The following CCSER1 variants were observed in gnomAD, a reference collection of about 807,000 sequenced individuals.
CCSER1 encodes coiled-coil serine rich protein 1.
In CCSER1, 41 loss-of-function variants were observed where a neutral mutation model predicts 82.0. That is an observed-to-expected ratio of 0.50 (90% CI 0.39 to 0.65). CCSER1 has a LOEUF of 0.65. Among genes scored for constraint, CCSER1 ranks in the 30% least tolerant of loss-of-function variants. The pLI, the probability that CCSER1 is intolerant of heterozygous loss-of-function variation, is 0.00. For synonymous variants in CCSER1, 414 were observed against 383.9 expected (o/e 1.08, Z -0.92); for missense variants, 1,119 against 1,064.2 (o/e 1.05, Z -0.72).
At chr4:90,747,060 C>A (rs2149464944) in intron 7 of CCSER1, among the ~76,000 whole-genome samples, 1 of 151,342 alleles carries the variant, frequency 6.6e-6, no homozygotes, top group East Asian at 1.9e-4. Flanking sequence ...GAGGAAGAGG[C>A]AGAGGTAGAG....
chr4:91,353,070 G>C (rs1748582905), intron 10 of CCSER1, among the ~76,000 whole-genome samples: 1 of 152,174 alleles, frequency 6.6e-6, no homozygotes, highest in Admixed American at 6.5e-5. Context: ...TGGGGGAACT[G>C]TAATCCAGAC....
chr4:91,283,155 A>T lies in CCSER1; in HGVS notation c.2217+197161A>T, dbSNP rs540612254. 4.6e-5 allele frequency among the ~76,000 whole-genome samples: 7 copies of T among 152,238 alleles called. No individual in the cohort carries two copies. In the South Asian group the frequency reaches 1.4e-3, roughly 32 times the overall value. Reference sequence around the variant, plus strand: ...AGAGGTCATTGCTAGGAATAAAAATATATAATTTAAATTGCAATATGTGTT... The same window carrying T: ...AGAGGTCATTGCTAGGAATAAAAATTTATAATTTAAATTGCAATATGTGTT... On this transcript the variant is annotated intron_variant, in intron 10 of 10. Transcript: ENST00000509176.
chr4:90,146,402 C>T (rs564612775), intron 1 of CCSER1, among the ~76,000 whole-genome samples: 7 of 152,066 alleles, frequency 4.6e-5, no homozygotes, highest in South Asian at 2.1e-4. Context: ...ATCTTTAGAT[C>T]ATCTTTTTCC....
chr4:91,400,838 C>A (rs776131656), intron 10 of CCSER1, among the ~76,000 whole-genome samples: 1 of 151,578 alleles, frequency 6.6e-6, no homozygotes, highest in Non-Finnish European at 1.5e-5. Flanking sequence ...ACCATTTTAT[C>A]CCCCTGAATT....
intron 9 of CCSER1, among the ~76,000 whole-genome samples, chr4:91,033,190 A>G (rs990366030): frequency 3.9e-5 from 6 of 152,152 alleles, no homozygotes; most frequent in Non-Finnish European, 8.8e-5. Flanking sequence ...TTAAATAAAG[A>G]TATTCTCATG....
intron 8 of CCSER1, 115 bp from the exon 9 acceptor site, chr4:90,923,255 A>T (rs1459279305): frequency 1.3e-6 from 1 of 750,244 alleles, no homozygotes; most frequent in African/African-American, 1.7e-5. Context: ...AGCAAAGCAT[A>T]TGCACAGAGA....
chr4:91,261,236 G>A (rs1741108312), intron 10 of CCSER1, among the ~76,000 whole-genome samples: 1 of 152,120 alleles, frequency 6.6e-6, no homozygotes, highest in African/African-American at 2.4e-5. Flanking sequence ...CTTACCATTA[G>A]TGCTTGTATA....
At chr4:91,380,866 T>G (rs1201048385) in intron 10 of CCSER1, among the ~76,000 whole-genome samples, 4 of 152,208 alleles carry the variant, frequency 2.6e-5, no homozygotes, top group African/African-American at 9.6e-5. Flanking sequence ...ATTTGTCATG[T>G]TTTTGCAGTG....
intron 9 of CCSER1, among the ~76,000 whole-genome samples, chr4:90,959,740 CT>C (rs57697228): frequency 4.3e-4 from 61 of 141,082 alleles, no homozygotes; most frequent in Admixed American, 6.4e-4. Context: ...CTCGGGTTTT[CT>C]TTTTTTTTTT....
intron 7 of CCSER1, among the ~76,000 whole-genome samples, chr4:90,794,196 G>C (rs950405897): frequency 6.6e-6 from 1 of 152,120 alleles, no homozygotes; most frequent in African/African-American, 2.4e-5. Flanking sequence ...TTTTGCTTTT[G>C]TTGTAATTGC....
intron 8 of CCSER1, among the ~76,000 whole-genome samples, chr4:90,827,440 C>T (rs1325940159): frequency 6.6e-6 from 1 of 152,100 alleles, no homozygotes; most frequent in East Asian, 1.9e-4. Flanking sequence ...AGCAATTTAG[C>T]TATGCTATAC....
chr4:90,818,394 C>T (rs923487637), intron 8 of CCSER1, among the ~76,000 whole-genome samples: 2 of 151,572 alleles, frequency 1.3e-5, no homozygotes, highest in Admixed American at 6.6e-5. Flanking sequence ...TCTCTTGCCT[C>T]AGCCTCCCAA....
chr4:90,579,734 C>G (rs1781212462), intron 5 of CCSER1, among the ~76,000 whole-genome samples: 1 of 152,064 alleles, frequency 6.6e-6, no homozygotes, highest in Non-Finnish European at 1.5e-5. Flanking sequence ...CTTTGAAACT[C>G]AGATATTGAG....
At chr4:90,933,247 G>A (rs1730467331) in intron 9 of CCSER1, among the ~76,000 whole-genome samples, 1 of 150,866 alleles carries the variant, frequency 6.6e-6, no homozygotes, top group Admixed American at 6.6e-5. Context: ...GAGTGCGGAG[G>A]CGCGGTCTCG....
intron 1 of CCSER1, among the ~76,000 whole-genome samples, chr4:90,305,608 G>A (rs1255988476): frequency 2.0e-5 from 3 of 152,142 alleles, no homozygotes; most frequent in East Asian, 3.9e-4. Context: ...GTCTGTTTAT[G>A]TTTTAGGTTT....
chr4:91,093,974 C>CT (rs1330256267), intron 10 of CCSER1, among the ~76,000 whole-genome samples: 1 of 152,230 alleles, frequency 6.6e-6, no homozygotes, highest in Non-Finnish European at 1.5e-5. Flanking sequence ...GACTTGCTTT[C>CT]TTTCTGACCC....
intron 8 of CCSER1, among the ~76,000 whole-genome samples, chr4:90,922,187 AC>A (rs1484024109): frequency 6.6e-6 from 1 of 152,044 alleles, no homozygotes; most frequent in Non-Finnish European, 1.5e-5. Context: ...AGTAAGTTAA[AC>A]TAAATTATAT....
chr4:91,300,769 G>A (rs960835860), intron 10 of CCSER1, among the ~76,000 whole-genome samples: 10 of 151,716 alleles, frequency 6.6e-5, no homozygotes, highest in East Asian at 1.9e-4. Context: ...AATGTTTATC[G>A]CCAAAGAGAA....
chr4:90,467,433 C>T (rs1578620571), intron 4 of CCSER1, among the ~76,000 whole-genome samples: 1 of 151,902 alleles, frequency 6.6e-6, no homozygotes. Context: ...TGCCTGTAAT[C>T]CCAGCACTTT....
Sources: allele counts gnomAD v4.1 joint callset (sites outside exome capture counted in the v4.1 genomes callset), GRCh38; gene constraint gnomAD v4.1.1; transcripts MANE v1.5; gene names NCBI Gene and HGNC (gene_info 2026-07-23, HGNC 2026-07-21).